Variants in CARMIL1 observed in about 807,000 individuals in gnomAD.
The protein encoded by CARMIL1 is capping protein regulator and myosin 1 linker 1.
CARMIL1 carries 90 observed loss-of-function variants against 177.1 expected under a neutral mutation model. The ratio of observed to expected loss-of-function variants is 0.51; its 90% CI spans 0.43 to 0.61. The LOEUF (loss-of-function observed/expected upper bound fraction) is 0.61. Among genes scored for constraint, CARMIL1 ranks in the 20% least tolerant of loss-of-function variants. The pLI is 0.00. For synonymous variants in CARMIL1, 577 were observed against 606.2 expected (o/e 0.95, Z 0.71); for missense variants, 1,380 against 1,667.0 (o/e 0.83, Z 3.00).
Position 25,482,323 on chromosome 6 carries a change from A to C in CARMIL1, c.941A>C (p.Lys314Thr). The C allele has an allele frequency of 2.5e-6, 4 of 1,572,498 alleles. No homozygotes were observed. The highest frequency in any genetic ancestry group is 3.5e-6 in the Non-Finnish European group (4 of 1,149,892). ...PKGLKHLNLS[K>T]TSLSPKGVNS... ...GGATTAAAGCACTTAAATTTATCTAAAACCTCATTATCACCTAAAGGTACA... is the reference window on the plus strand; with the variant it reads ...GGATTAAAGCACTTAAATTTATCTACAACCTCATTATCACCTAAAGGTACA... Residue 314 changes from lysine to threonine, a missense_variant, in exon 12 of 37, where the codon AAA becomes ACA. By Grantham distance (78) the Lys-to-Thr change is moderately conservative (BLOSUM62 -1). Transcript: ENST00000329474.
chr6:25,352,283 T>G (rs1788186183), intron 2 of CARMIL1, among the ~76,000 whole-genome samples: 1 of 151,460 alleles, frequency 6.6e-6, no homozygotes, highest in South Asian at 2.1e-4. Context: ...GTCATCTTGC[T>G]CTTTCTCTTT....
intron 2 of CARMIL1, among the ~76,000 whole-genome samples, chr6:25,338,867 G>T (rs1786573263): frequency 6.6e-6 from 1 of 152,148 alleles, no homozygotes; most frequent in Admixed American, 6.6e-5. Flanking sequence ...AAAAGAACCA[G>T]CACATAAGTT....
At position 25,515,761 on chromosome 6, in the gene CARMIL1, G is replaced by T; in HGVS notation, c.1719G>T (p.Leu573=). Residue 573 remains leucine, a synonymous_variant, in exon 21 of 37, where the codon CTG becomes CTT. Coordinates refer to ENST00000329474, the MANE Select transcript of CARMIL1 (RefSeq NM_017640.6). This position sits in a 1 kb window ranked among gnomAD's most constrained non-coding sequence, Gnocchi z 5.0. ...ATGCCCTGGGAAGCAACACCTCCCT[G>T]ACCAAAGTGGACATTAGCGGCAACG... The part of the protein sequence containing the change: ...IINALGSNTS[L]TKVDISGNGM... 6.2e-7 allele frequency: 1 copy of T among 1,611,776 alleles called. No homozygotes were observed. Among genetic ancestry groups the T allele is most frequent in the African/African-American group, 1.3e-5 (1 of 74,980 alleles).
chr6:25,459,210 T>TTTTCTTTCTTTCTTTCTTTCTTTCTTTC (rs5875042), intron 8 of CARMIL1, among the ~76,000 whole-genome samples: 1,383 of 80,154 alleles, frequency 0.017, 117 homozygotes, highest in East Asian at 0.023. Context: ...GATCCCAACT[T>TTTTCTTTCTTTCTTTCTTTCTTTCTTTC]TTTCTTTCTT....
chr6:25,430,429 AG>A (rs1796649564), intron 4 of CARMIL1, among the ~76,000 whole-genome samples: 1 of 127,126 alleles, frequency 7.9e-6, no homozygotes, highest in Admixed American at 9.3e-5. Flanking sequence ...CTCTTTGAGA[AG>A]GTTTTTTTTT....
At chr6:25,588,217 C>T (rs1813952057) in intron 31 of CARMIL1, among the ~76,000 whole-genome samples, 2 of 152,160 alleles carry the variant, frequency 1.3e-5, no homozygotes, top group Non-Finnish European at 1.5e-5. Context: ...ACCAGTCCCC[C>T]TCGGATACTG....
chr6:25,484,516 G>A (rs972997641), intron 12 of CARMIL1, among the ~76,000 whole-genome samples: 1 of 152,164 alleles, frequency 6.6e-6, no homozygotes, highest in East Asian at 1.9e-4. Flanking sequence ...CCTATTGCCT[G>A]AAGCCATCTA....
intron 13 of CARMIL1, among the ~76,000 whole-genome samples, chr6:25,490,702 TAAA>T (rs1262153836): frequency 1.6e-3 from 21 of 13,414 alleles, no homozygotes; most frequent in Non-Finnish European, 3.4e-3. Context: ...TGTCTTAAAA[TAAA>T]TAAATAAATA....
chr6:25,568,548 C>A (rs1357039586), intron 29 of CARMIL1, among the ~76,000 whole-genome samples: 1 of 152,122 alleles, frequency 6.6e-6, no homozygotes, highest in Non-Finnish European at 1.5e-5. Flanking sequence ...CTAGCCAGAG[C>A]CGAGCTGTAG....
intron 29 of CARMIL1, among the ~76,000 whole-genome samples, chr6:25,580,144 T>A (rs1383408728): frequency 1.3e-5 from 2 of 152,222 alleles, no homozygotes; most frequent in African/African-American, 4.8e-5. Context: ...CCATGAATGT[T>A]AGCCTTTGTC....
chr6:25,484,249 C>G (rs1802412557), intron 12 of CARMIL1, among the ~76,000 whole-genome samples: 1 of 152,206 alleles, frequency 6.6e-6, no homozygotes, highest in Non-Finnish European at 1.5e-5. Context: ...TCGTTCATTG[C>G]TGTGTCCTGG....
chr6:25,616,377 G>A (rs192637115), intron 36 of CARMIL1, among the ~76,000 whole-genome samples: 1 of 152,224 alleles, frequency 6.6e-6, no homozygotes, highest in Non-Finnish European at 1.5e-5. Context: ...AGACCAGCCT[G>A]GGCAACAAAT....
At chr6:25,298,149 G>A (rs963072527) in intron 2 of CARMIL1, among the ~76,000 whole-genome samples, 2 of 152,148 alleles carry the variant, frequency 1.3e-5, no homozygotes, top group Non-Finnish European at 2.9e-5. Flanking sequence ...TCATAATAGT[G>A]CCTGGCACAT....
chr6:25,356,127 G>A (rs962984801), intron 2 of CARMIL1, among the ~76,000 whole-genome samples: 7 of 150,612 alleles, frequency 4.6e-5, no homozygotes, highest in African/African-American at 1.7e-4. Context: ...GCACAATCTC[G>A]GCTCACTGCA....
At chr6:25,369,676 G>A (rs1468794262) in intron 2 of CARMIL1, among the ~76,000 whole-genome samples, 2 of 152,098 alleles carry the variant, frequency 1.3e-5, no homozygotes, top group African/African-American at 4.8e-5. Flanking sequence ...CAGAACTCTC[G>A]TAGGCTAGGA....
intron 4 of CARMIL1, among the ~76,000 whole-genome samples, chr6:25,434,444 C>T (rs902374658): frequency 2.0e-5 from 3 of 151,806 alleles, no homozygotes; most frequent in Admixed American, 2.0e-4. Context: ...TAACACTAAA[C>T]CTAACACCAA....
intron 2 of CARMIL1, among the ~76,000 whole-genome samples, chr6:25,359,663 T>A (rs1475627645): frequency 6.6e-6 from 1 of 152,354 alleles, no homozygotes; most frequent in South Asian, 2.1e-4. Context: ...TTGCGTTCCC[T>A]TGACTATTGC....
chr6:25,423,919 T>G (rs1562117489), intron 3 of CARMIL1, among the ~76,000 whole-genome samples: 1 of 152,220 alleles, frequency 6.6e-6, no homozygotes, highest in African/African-American at 2.4e-5. Flanking sequence ...CCCATAAATC[T>G]AATCCAGTGA....
rs576440302 is a variant in CARMIL1 at position 25,408,781 on chromosome 6, C to T, written c.139-11333C>T. ...ATCATTTGATCCCAGGAGTTAAGAC[C>T]GGCCTGGGCAATGTAGTGAGACCCT... On this transcript the variant is annotated intron_variant, in intron 2 of 36. Transcript: ENST00000329474. 1.5e-4 allele frequency among the ~76,000 whole-genome samples: 22 copies of T among 150,558 alleles called. No individual in the cohort carries two copies. The East Asian group carries it at 3.3e-3, about 23-fold the overall frequency.
Sources: gnomAD v4.1 joint callset for allele counts (sites outside exome capture counted in the v4.1 genomes callset) on GRCh38, gnomAD v4.1.1 for gene constraint, Gnocchi (gnomAD v3.1) non-coding constraint, MANE v1.5 for transcripts, NCBI Gene and HGNC (gene_info 2026-07-23, HGNC 2026-07-21) for gene names.